Variants in RGSL1 observed in about 807,000 individuals in gnomAD.
RGSL1 encodes the protein regulator of G protein signaling protein-like.
RGSL1 carries 97 observed loss-of-function variants against 124.7 expected under a neutral mutation model. The ratio of observed to expected loss-of-function variants is 0.78; its 90% CI spans 0.66 to 0.92. The LOEUF (loss-of-function observed/expected upper bound fraction) is 0.92, where lower values mean the gene tolerates loss of function less well. Among genes scored for constraint, RGSL1 ranks in the 40% least tolerant of loss-of-function variants. The pLI is 0.00. For synonymous variants in RGSL1, 424 were observed against 438.1 expected (o/e 0.97, Z 0.40); for missense variants, 1,233 against 1,288.4 (o/e 0.96, Z 0.66).
rs899124295 is a variant in RGSL1 at position 182,530,697 on chromosome 1, T to C, written c.2244-93T>C. On this transcript the variant is annotated intron_variant, in intron 12 of 21. Transcript: ENST00000294854. ...ACTATTCCCCAATTACCACTGAGAG[T>C]TCCTCCAGAAGCTGAGGTAGGTTTG... 37 of 1,351,382 alleles carry C rather than the reference T, an allele frequency of 2.7e-5. No individual in the cohort carries two copies. The Middle Eastern group carries it at 8.5e-4, about 31-fold the overall frequency. 83.7% of individuals were successfully genotyped at this position (1,351,382 alleles called of 1,614,324 possible).
intron 6 of RGSL1, 81 bp downstream of exon 6, chr1:182,474,623 C>T: frequency 6.9e-7 from 1 of 1,444,214 alleles, no homozygotes; most frequent in Non-Finnish European, 9.1e-7. Flanking sequence ...GTCACCTATA[C>T]TGGCTAAGTG....
intron 15 of RGSL1, among the ~76,000 whole-genome samples, chr1:182,544,558 A>C (rs4652725): frequency 6.6e-6 from 1 of 151,712 alleles, no homozygotes. Flanking sequence ...TTGATTTTCT[A>C]TCTGGATGAT....
chr1:182,469,879 A>G (rs1336113242), intron 4 of RGSL1, among the ~76,000 whole-genome samples: 1 of 152,210 alleles, frequency 6.6e-6, no homozygotes, highest in Non-Finnish European at 1.5e-5. Flanking sequence ...AATCCTGAAG[A>G]CATGCTAATT....
At chr1:182,522,153 C>G (rs558950908) in intron 10 of RGSL1, 44 bp downstream of exon 10, 193 of 1,382,784 alleles carry the variant, frequency 1.4e-4, no homozygotes, top group Non-Finnish European at 5.1e-5. Flanking sequence ...CAGGTACATG[C>G]TTTTGAAAAA....
intron 9 of RGSL1, among the ~76,000 whole-genome samples, chr1:182,519,619 G>A (rs1232920758): frequency 6.6e-6 from 1 of 151,800 alleles, no homozygotes; most frequent in African/African-American, 2.4e-5. Context: ...TCTTTTTTCA[G>A]TTTTAGGGAA....
At chr1:182,487,538 T>A (rs561989381) in intron 6 of RGSL1, among the ~76,000 whole-genome samples, 2 of 152,348 alleles carry the variant, frequency 1.3e-5, no homozygotes, top group African/African-American at 4.8e-5. Flanking sequence ...AGCTCCTACT[T>A]ATCCTGCAAG....
chr1:182,502,237 T>C lies in RGSL1; in HGVS notation c.1825+9108T>C, dbSNP rs575073151. Among the ~76,000 whole-genome samples the C allele has an allele frequency of 2.0e-5, 3 of 152,310 alleles. No individual in the cohort carries two copies. The South Asian group carries it at 6.2e-4, about 32-fold the overall frequency. ...AGAAAGTAGATGCTTCTACTCCCTA[T>C]TTTGTCTGTTTCCACTCTAGTCTTT... On this transcript the variant is annotated intron_variant, in intron 9 of 21. Transcript: ENST00000294854.
At chr1:182,476,954 G>T (rs2102051250) in intron 6 of RGSL1, among the ~76,000 whole-genome samples, 1 of 152,232 alleles carries the variant, frequency 6.6e-6, no homozygotes, top group Middle Eastern at 3.4e-3. Flanking sequence ...ATATAAAATT[G>T]CAACCAGCTC....
intron 9 of RGSL1, among the ~76,000 whole-genome samples, chr1:182,498,027 G>C (rs1342738218): frequency 2.6e-5 from 4 of 152,026 alleles, no homozygotes; most frequent in Non-Finnish European, 5.9e-5. Context: ...TGATCATTTG[G>C]TTAATGTGGT....
chr1:182,498,271 C>T (rs1313113750), intron 9 of RGSL1, among the ~76,000 whole-genome samples: 1 of 147,938 alleles, frequency 6.8e-6, no homozygotes, highest in African/African-American at 2.5e-5. Context: ...GCTTATGTCT[C>T]GTTTTGGAAT....
intron 8 of RGSL1, among the ~76,000 whole-genome samples, chr1:182,492,225 G>A (rs1278400726): frequency 6.6e-6 from 1 of 152,122 alleles, no homozygotes; most frequent in East Asian, 1.9e-4. Context: ...TGTAGTTGTG[G>A]TCTCATGCCC....
chr1:182,492,462 A>G (rs1655599153), intron 8 of RGSL1, among the ~76,000 whole-genome samples: 1 of 152,098 alleles, frequency 6.6e-6, no homozygotes, highest in Non-Finnish European at 1.5e-5. Flanking sequence ...TACCCTAGCA[A>G]CCCTCAGGCA....
intron 15 of RGSL1, among the ~76,000 whole-genome samples, chr1:182,541,748 T>C (rs1312208108): frequency 6.6e-6 from 1 of 152,186 alleles, no homozygotes; most frequent in Non-Finnish European, 1.5e-5. Context: ...TGTTATTCCC[T>C]GTCTTTTTGA....
At chr1:182,552,795 G>A (rs939555425) in intron 18 of RGSL1, among the ~76,000 whole-genome samples, 4 of 152,228 alleles carry the variant, frequency 2.6e-5, no homozygotes, top group Non-Finnish European at 4.4e-5. Context: ...GGGCAAGAGA[G>A]TGTGAGAGAG....
At chr1:182,525,363 A>T (rs2102249271) in intron 10 of RGSL1, among the ~76,000 whole-genome samples, 1 of 152,188 alleles carries the variant, frequency 6.6e-6, no homozygotes, top group East Asian at 1.9e-4. Context: ...GGTTCAACAA[A>T]CTAAAGAAAA....
intron 21 of RGSL1, among the ~76,000 whole-genome samples, chr1:182,558,735 T>G (rs1661004833): frequency 6.6e-6 from 1 of 152,238 alleles, no homozygotes; most frequent in Non-Finnish European, 1.5e-5. Context: ...GAATTTCTCC[T>G]GCCTCTTCTT....
chr1:182,537,836 T>C (rs1659647127), intron 14 of RGSL1, among the ~76,000 whole-genome samples: 1 of 152,198 alleles, frequency 6.6e-6, no homozygotes, highest in Non-Finnish European at 1.5e-5. Flanking sequence ...TTCCTTCATA[T>C]CTTGAGCTGG....
chr1:182,507,424 C>G (rs777640175), intron 9 of RGSL1, among the ~76,000 whole-genome samples: 11 of 152,166 alleles, frequency 7.2e-5, no homozygotes, highest in Admixed American at 1.3e-4. Flanking sequence ...CAATCATACT[C>G]CTTGTCTTCA....
intron 9 of RGSL1, among the ~76,000 whole-genome samples, chr1:182,500,263 G>A (rs992312323): frequency 6.6e-6 from 1 of 152,132 alleles, no homozygotes; most frequent in African/African-American, 2.4e-5. Flanking sequence ...ATTTGTTGAA[G>A]AGACTCTTCT....
Sources: gnomAD v4.1 joint callset for allele counts (sites outside exome capture counted in the v4.1 genomes callset) on GRCh38, gnomAD v4.1.1 for gene constraint, MANE v1.5 for transcripts, NCBI Gene and HGNC (gene_info 2026-07-23, HGNC 2026-07-21) for gene names.